SGMS2: variants seen among roughly 807,000 people sequenced by gnomAD.
SGMS2 encodes the protein phosphatidylcholine:ceramide cholinephosphotransferase 2.
Under a neutral mutation model 43.8 loss-of-function variants are expected in SGMS2, and 21 were observed. The ratio of observed to expected loss-of-function variants is 0.48; its 90% CI spans 0.34 to 0.69. The LOEUF is 0.69. Among genes scored for constraint, SGMS2 ranks in the 30% least tolerant of loss-of-function variants. SGMS2 has a pLI of 0.01. For missense variants in SGMS2, 384 were observed against 443.2 expected (o/e 0.87, Z 1.20); for synonymous variants, 167 against 160.6 (o/e 1.04, Z -0.30).
chr4:107,836,429 G>A (rs955127276), intron 1 of SGMS2, among the ~76,000 whole-genome samples: 1 of 152,210 alleles, frequency 6.6e-6, no homozygotes, highest in Admixed American at 6.5e-5. Flanking sequence ...TTACAGTGAA[G>A]CTTCTCTCTG....
Position 107,899,602 on chromosome 4 carries a change from T to C in SGMS2, c.483T>C (p.Phe161=). 2 of 1,611,876 alleles carry C rather than the reference T, an allele frequency of 1.2e-6. No individual in the cohort carries two copies. Among genetic ancestry groups the C allele is most frequent in the African/African-American group, 1.3e-5 (1 of 74,948 alleles). Residue 161 remains phenylalanine (F), a synonymous_variant, in exon 4 of 7, where the codon TTT becomes TTC. Coordinates refer to ENST00000690982, the MANE Select transcript of SGMS2 (RefSeq NM_001375905.1). ...YKSIVGRRFC[F]IIGTLYLYRC... ...CAATAGTGGGACGCAGATTCTGTTT[T>C]ATTATTGGAACTTTATACCTGTATC...
In SGMS2 at chr4:107,854,851, G is replaced by C. The variant is rs75501984; in HGVS notation, c.-326-3621G>C. The stretch of plus-strand genomic sequence containing the variant: ...GTGACGTCATATGGCGGTCTTCCCT[G>C]GTCTGCAGTATTGCTCATTGCCTCT... On this transcript the variant is annotated intron_variant, in intron 1 of 6. Transcript: ENST00000690982. 2.1e-3 allele frequency among the ~76,000 whole-genome samples: 315 copies of C among 152,250 alleles called. 8 individuals carry two copies. In the East Asian group the frequency reaches 0.055, roughly 27 times the overall value.
intron 2 of SGMS2, among the ~76,000 whole-genome samples, chr4:107,880,025 A>G (rs1163164949): frequency 6.6e-6 from 1 of 152,214 alleles, no homozygotes; most frequent in African/African-American, 2.4e-5. Context: ...AACTGGATAT[A>G]GAACCAAAGT....
Position 107,899,492 on chromosome 4 carries a change from C to A in SGMS2, c.456-83C>A, listed in dbSNP as rs535385728. On this transcript the variant is annotated intron_variant, in intron 3 of 6. Coordinates refer to ENST00000690982, the MANE Select transcript of SGMS2 (RefSeq NM_001375905.1). ...CCATTCTGTACTGATTATTCTTTAT[C>A]CTGTTAAACATTGTTTTATTTTTCA... 10 of 913,130 alleles carry A rather than the reference C, an allele frequency of 1.1e-5. No homozygotes were observed. The South Asian group carries it at 1.4e-4, about 13-fold the overall frequency. The allele number at this position is 913,130 out of a possible 1,614,324, so 56.6% of individuals were successfully genotyped here. A position where few individuals can be genotyped will look rare whatever the true frequency, so the allele number is the denominator to read the frequency against.
At chr4:107,899,209 T>C (rs1284021840) in intron 3 of SGMS2, among the ~76,000 whole-genome samples, 2 of 152,162 alleles carry the variant, frequency 1.3e-5, no homozygotes, top group Non-Finnish European at 2.9e-5. Context: ...ATGCAGTGAG[T>C]TGACTGAAAA....
At chr4:107,828,183 T>C (rs1433544864) in intron 1 of SGMS2, among the ~76,000 whole-genome samples, 2 of 152,154 alleles carry the variant, frequency 1.3e-5, no homozygotes, top group Admixed American at 1.3e-4. Flanking sequence ...GAAAATCATT[T>C]AACATTTCTA....
At chr4:107,870,045 G>C (rs970358248) in intron 2 of SGMS2, among the ~76,000 whole-genome samples, 3 of 152,134 alleles carry the variant, frequency 2.0e-5, no homozygotes, top group Non-Finnish European at 4.4e-5. Flanking sequence ...TATCTTCTTG[G>C]TGAGCTGTTC....
rs773029229 is a variant in SGMS2 at position 107,895,811 on chromosome 4, A to C, written c.258A>C (p.Ala86=). 2.6e-5 allele frequency: 42 copies of C among 1,613,868 alleles called. No homozygotes were observed. Among genetic ancestry groups the C allele is most frequent in the Non-Finnish European group, 3.5e-5 (41 of 1,179,954 alleles). Residue 86 remains alanine (A), a synonymous_variant, in exon 3 of 7, where the codon GCA becomes GCC. Transcript: ENST00000690982. ...WWKTGIAFIY[A]VFNLVLTTVM... is the part of the protein sequence containing the mutation. Reference sequence around the variant, plus strand: ...AAACGGGCATTGCCTTCATATATGCAGTTTTCAACCTCGTCTTGACAACCG... The same window carrying C: ...AAACGGGCATTGCCTTCATATATGCCGTTTTCAACCTCGTCTTGACAACCG...
chr4:107,898,914 G>A (rs1002674254), intron 3 of SGMS2, among the ~76,000 whole-genome samples: 8 of 152,080 alleles, frequency 5.3e-5, no homozygotes, highest in Admixed American at 6.6e-5. Context: ...GAAATAATCA[G>A]CTTACACATT....
chr4:107,840,789 T>C (rs1726455189), intron 1 of SGMS2, among the ~76,000 whole-genome samples: 1 of 152,140 alleles, frequency 6.6e-6, no homozygotes, highest in African/African-American at 2.4e-5. Flanking sequence ...CTTGAAGTGA[T>C]TGTAAAAGTG....
intron 2 of SGMS2, among the ~76,000 whole-genome samples, chr4:107,859,944 A>C (rs558310800): frequency 6.6e-6 from 1 of 151,010 alleles, no homozygotes; most frequent in Non-Finnish European, 1.5e-5. Context: ...TGGGCTTGAA[A>C]AATAAAGGAT....
At chr4:107,877,567 C>A (rs1306975275) in intron 2 of SGMS2, among the ~76,000 whole-genome samples, 2 of 152,122 alleles carry the variant, frequency 1.3e-5, no homozygotes, top group African/African-American at 4.8e-5. Flanking sequence ...TTTGTTTGAC[C>A]ATTAAACATG....
chr4:107,842,309 C>T (rs1726563666), intron 1 of SGMS2, among the ~76,000 whole-genome samples: 1 of 152,128 alleles, frequency 6.6e-6, no homozygotes, highest in Non-Finnish European at 1.5e-5. Flanking sequence ...CCTCAGGAAG[C>T]TTACAATCAT....
At chr4:107,905,457 T>G (rs1731475651) in intron 5 of SGMS2, among the ~76,000 whole-genome samples, 1 of 152,156 alleles carries the variant, frequency 6.6e-6, no homozygotes, top group South Asian at 2.1e-4. Context: ...TCATAAACAA[T>G]AATAGCAAAT....
At chr4:107,899,019 C>T (rs1182633817) in intron 3 of SGMS2, among the ~76,000 whole-genome samples, 3 of 151,990 alleles carry the variant, frequency 2.0e-5, no homozygotes, top group Non-Finnish European at 4.4e-5. Flanking sequence ...AGTTCATGCC[C>T]GTATTGTCAA....
chr4:107,852,383 T>C (rs1006485656), intron 1 of SGMS2, among the ~76,000 whole-genome samples: 1 of 152,174 alleles, frequency 6.6e-6, no homozygotes, highest in Non-Finnish European at 1.5e-5. Flanking sequence ...GGTAGCTATT[T>C]GGAAATGTGT....
At position 107,913,054 on chromosome 4, in the gene SGMS2, G is replaced by T. The variant is rs568315010; in HGVS notation, c.*2501G>T. On this transcript the variant is annotated 3_prime_UTR_variant, in exon 7 of 7. Transcript: ENST00000690982. ...AAGTATGATATATATATAAACTGAA[G>T]ATATAAAACAAGTATGATCTTGCCT... is the stretch of plus-strand genomic sequence containing the variant. The T allele has an allele frequency of 4.7e-4, 71 of 152,166 alleles. No homozygotes were observed. Among genetic ancestry groups the T allele is most frequent in the African/African-American group, 1.7e-3 (70 of 41,502 alleles). The allele number at this position is 152,166 out of a possible 1,614,324, so 9.4% of individuals were successfully genotyped here.
At chr4:107,840,127 A>T (rs1009688152) in intron 1 of SGMS2, among the ~76,000 whole-genome samples, 22 of 152,240 alleles carry the variant, frequency 1.4e-4, no homozygotes, top group African/African-American at 5.1e-4. Flanking sequence ...TTATACACAT[A>T]TGCACATACA....
intron 2 of SGMS2, among the ~76,000 whole-genome samples, chr4:107,871,779 A>G (rs937862011): frequency 3.9e-5 from 6 of 152,160 alleles, no homozygotes; most frequent in Non-Finnish European, 7.4e-5. Context: ...TAAAATTTAA[A>G]AACGTCTGCA....
Sources: gnomAD v4.1 joint callset for allele counts (sites outside exome capture counted in the v4.1 genomes callset) on GRCh38, gnomAD v4.1.1 for gene constraint, MANE v1.5 for transcripts, NCBI Gene and HGNC (gene_info 2026-07-23, HGNC 2026-07-21) for gene names.